MYCBP2: variants seen among roughly 807,000 people sequenced by gnomAD.
MYCBP2 encodes the protein E3 ubiquitin-protein ligase MYCBP2.
In MYCBP2, 120 loss-of-function variants were observed where a neutral mutation model predicts 525.3. That is an observed-to-expected ratio of 0.23 (90% confidence interval 0.20 to 0.27). MYCBP2 has a LOEUF of 0.27. MYCBP2 is among the 10% of genes least tolerant of loss of function. MYCBP2 has a pLI of 1.00. For synonymous variants in MYCBP2, 1,894 were observed against 1,955.8 expected, an observed-to-expected ratio of 0.97 and a Z score of 0.83; for missense variants, 4,149 against 5,657.1, an observed-to-expected ratio of 0.73 and a Z score of 8.55.
chr13:77,126,779 C>T (rs1413003998), intron 52 of MYCBP2, among the ~76,000 whole-genome samples: 1 of 152,096 alleles, frequency 6.6e-6, no homozygotes, highest in Non-Finnish European at 1.5e-5. Flanking sequence ...CAGTCAACCT[C>T]TGGCTTCTGC....
At chr13:77,216,053 C>T (rs1019642165) in intron 21 of MYCBP2, among the ~76,000 whole-genome samples, 2 of 152,092 alleles carry the variant, frequency 1.3e-5, no homozygotes, top group Admixed American at 1.3e-4. Context: ...GACAGTCATA[C>T]AGGGCCTGTA....
rs764631421 is a variant in MYCBP2, at chr13:77,263,678, C to T, written c.1543G>A (p.Asp515Asn). Residue 515 changes from aspartate to asparagine, a missense_variant, in exon 10 of 83, where the codon GAT (aspartate) becomes AAT (asparagine). This residue lies in a region of MYCBP2 where 262 missense variants were observed against 419.3 expected (regional missense o/e 0.62). Transcript: ENST00000544440. ...ATAATATGCAAGTCCTTTTCCAGAT[C>T]GAATAGTGAGATACCACAGGCATGT... ...CLHACGISLF[D>N]LEKDLHIIST... is the part of the protein sequence containing the mutation. The T allele has an allele frequency of 6.8e-6, 11 of 1,612,432 alleles. No individual in the cohort carries two copies. Among genetic ancestry groups the T allele is most frequent in the Non-Finnish European group, 9.3e-6 (11 of 1,179,056 alleles).
At chr13:77,158,451 C>T (rs1049512383) in intron 44 of MYCBP2, among the ~76,000 whole-genome samples, 1 of 152,080 alleles carries the variant, frequency 6.6e-6, no homozygotes, top group African/African-American at 2.4e-5. Context: ...GATGTCTCCC[C>T]CTTTTTTCTT....
At chr13:77,233,884 G>C (rs1566997611) in intron 17 of MYCBP2, among the ~76,000 whole-genome samples, 1 of 151,760 alleles carries the variant, frequency 6.6e-6, no homozygotes. Context: ...GAACGAGAGA[G>C]AGAGAGAGAG....
At chr13:77,230,522 T>C (rs540420650) in intron 18 of MYCBP2, among the ~76,000 whole-genome samples, 3 of 152,234 alleles carry the variant, frequency 2.0e-5, no homozygotes, top group Non-Finnish European at 2.9e-5. Flanking sequence ...TTTGGAATAT[T>C]TGCATATACA....
intron 3 of MYCBP2, 143 bp from the exon 4 acceptor site, chr13:77,279,054 G>T: frequency 4.2e-6 from 2 of 471,000 alleles, no homozygotes; most frequent in Non-Finnish European, 6.9e-6. Flanking sequence ...CATGAAAATG[G>T]CTTATAACAA....
At chr13:77,117,741 G>A (rs937556281) in intron 55 of MYCBP2, among the ~76,000 whole-genome samples, 2 of 152,130 alleles carry the variant, frequency 1.3e-5, no homozygotes, top group African/African-American at 2.4e-5. Context: ...GAAGGTTCAG[G>A]AGGTTATTAA....
At chr13:77,073,601 C>T (rs574823493) in intron 68 of MYCBP2, among the ~76,000 whole-genome samples, 8 of 151,888 alleles carry the variant, frequency 5.3e-5, no homozygotes, top group African/African-American at 1.9e-4. Context: ...AGGAAAAAAC[C>T]CAAATTTATT....
At chr13:77,147,434 G>C (rs1053384884) in intron 47 of MYCBP2, among the ~76,000 whole-genome samples, 1 of 152,074 alleles carries the variant, frequency 6.6e-6, no homozygotes, top group South Asian at 2.1e-4. Flanking sequence ...GAATACTTCT[G>C]TATGCCTGCA....
intron 7 of MYCBP2, 120 bp from the exon 8 acceptor site, chr13:77,268,057 A>G: frequency 1.7e-6 from 1 of 602,966 alleles, no homozygotes; most frequent in South Asian, 2.1e-5. Flanking sequence ...ATTGATGTCT[A>G]AAAGATATTA....
chr13:77,294,131 C>CATATATATATATATATATACATATACAT, intron 2 of MYCBP2, among the ~76,000 whole-genome samples: 1 of 65,692 alleles, frequency 1.5e-5, no homozygotes, highest in East Asian at 3.8e-4. Flanking sequence ...TATATATATA[C>CATATATATATATATATATACATATACAT]ATATATATAT....
Position 77,140,856 on chromosome 13 carries a change from T to C in MYCBP2, c.7391A>G (p.Gln2464Arg). The C allele has an allele frequency of 6.2e-7, 1 of 1,610,334 alleles. No individual in the cohort carries two copies. The highest frequency in any genetic ancestry group is 1.1e-5 in the South Asian group (1 of 90,272). Residue 2464 changes from glutamine (Q) to arginine (R), a missense_variant, in exon 50 of 83, where the codon CAG becomes CGG. Gln to Arg is a conservative substitution (Grantham distance 43). Around this residue, in one of 21 missense-constraint regions of MYCBP2, gnomAD observed 692 missense variants for 852.7 expected, o/e 0.81. Coordinates refer to ENST00000544440, the MANE Select transcript of MYCBP2 (RefSeq NM_015057.5). ...TCATTCTGCCCTAACCTTATTAGGCTGAGGTTCAGACTTTGGTTTGACCAA... is the reference window on the plus strand; with the variant it reads ...TCATTCTGCCCTAACCTTATTAGGCCGAGGTTCAGACTTTGGTTTGACCAA... The part of the protein sequence containing the change: ...TQLVKPKSEP[Q>R]PNKVRKFVAK...
rs772081220 is a variant in MYCBP2, at chr13:77,212,122, A to C, written c.3096T>G (p.Tyr1032Ter). Residue 1032 changes from tyrosine (Y) to a stop codon, truncating the protein, a stop_gained, in exon 22 of 83, where the codon TAT becomes TAG. Coordinates refer to ENST00000544440, the MANE Select transcript of MYCBP2 (RefSeq NM_015057.5). LOFTEE classifies it high-confidence loss of function. ...QLGRPILDVPYWNAKPAPMPN... is the reference protein window; with the variant it reads ...QLGRPILDVP ...GCATGGGAGCTGGCTTTGCATTCCA[A>C]TATGGCACATCCAAAATTGGTCTGC... The C allele has an allele frequency of 6.2e-7, 1 of 1,614,126 alleles. No individual in the cohort carries two copies.
chr13:77,179,516 T>C (rs2154245154), intron 34 of MYCBP2, among the ~76,000 whole-genome samples: 1 of 152,282 alleles, frequency 6.6e-6, no homozygotes, highest in African/African-American at 2.4e-5. Context: ...AAACATAATA[T>C]TTGAGACTTT....
At position 77,121,500 on chromosome 13, in the gene MYCBP2, A is replaced by C; in HGVS notation, c.8018-5T>G. The C allele has an allele frequency of 6.4e-7, 1 of 1,564,266 alleles. No homozygotes were observed. The highest frequency in any genetic ancestry group is 8.7e-7 in the Non-Finnish European group (1 of 1,149,284). ...TCTGATCCAGAAGAGCTTGTTCTAC[A>C]ATAAAAGCCATAGCTGTAACATTAG... is the stretch of plus-strand genomic sequence containing the variant. On this transcript the variant is annotated splice_region_variant and splice_polypyrimidine_tract_variant and intron_variant, in intron 54 of 82. Transcript: ENST00000544440.
chr13:77,190,213 T>C, intron 29 of MYCBP2, 39 bp downstream of exon 29: 1 of 1,346,266 alleles, frequency 7.4e-7, no homozygotes, highest in Non-Finnish European at 1.0e-6. Context: ...TATAGCAAAA[T>C]AATAAACCAT....
At chr13:77,169,212 C>T (rs985346864) in intron 39 of MYCBP2, among the ~76,000 whole-genome samples, 3 of 151,620 alleles carry the variant, frequency 2.0e-5, no homozygotes, top group Admixed American at 2.0e-4. Flanking sequence ...ATCGAGACCA[C>T]GGTGAAACCC....
intron 20 of MYCBP2, among the ~76,000 whole-genome samples, chr13:77,219,605 C>T (rs1247975001): frequency 6.6e-6 from 1 of 152,032 alleles, no homozygotes; most frequent in Non-Finnish European, 1.5e-5. Context: ...AAGGACACAA[C>T]AGGTTCCTCT....
At chr13:77,164,050 G>A (rs1157685684) in intron 43 of MYCBP2, among the ~76,000 whole-genome samples, 2 of 152,016 alleles carry the variant, frequency 1.3e-5, no homozygotes, top group Admixed American at 6.6e-5. Flanking sequence ...TTTAAATAAC[G>A]ATCATATTCA....
Sources: gnomAD v4.1 joint callset for allele counts (sites outside exome capture counted in the v4.1 genomes callset) on GRCh38, gnomAD v4.1.1 for gene constraint, gnomAD v4.1.1 regional missense constraint, MANE v1.5 for transcripts, NCBI Gene and HGNC (gene_info 2026-07-23, HGNC 2026-07-21) for gene names.